The following CHRM3 variants were observed in gnomAD, a reference collection of about 807,000 sequenced individuals.
CHRM3 encodes muscarinic acetylcholine receptor M3.
Under a neutral mutation model 41.8 loss-of-function variants are expected in CHRM3, and 11 were observed. The observed-to-expected ratio is 0.26, with a 90% CI of 0.17 to 0.44. The LOEUF (loss-of-function observed/expected upper bound fraction) is 0.44, where lower values mean the gene tolerates loss of function less well. Ranked by LOEUF, CHRM3 falls within the 20% of genes least tolerant of loss-of-function variation. The pLI is 1.00. For synonymous variants in CHRM3, 297 were observed against 301.4 expected (o/e 0.99, Z 0.15); for missense variants, 571 against 745.4 (o/e 0.77, Z 2.72).
chr1:239,697,268 T>C (rs961065), intron 5 of CHRM3, among the ~76,000 whole-genome samples: 92,425 of 151,812 alleles, frequency 0.61, 28,487 homozygotes, highest in South Asian at 0.68. Flanking sequence ...ATGAGTCTCG[T>C]GAGATCTGAT....
At chr1:239,704,714 A>G (rs1660985001) in intron 5 of CHRM3, 1 of 152,246 alleles carries the variant, frequency 6.6e-6, no homozygotes, top group South Asian at 2.1e-4. Flanking sequence ...ATGTGCATAC[A>G]TGTAACAGCA....
intron 5 of CHRM3, among the ~76,000 whole-genome samples, chr1:239,690,018 C>CAG (rs1385161267): frequency 1.7e-3 from 251 of 150,898 alleles, no homozygotes; most frequent in African/African-American, 4.8e-3. Flanking sequence ...GACACTAAAA[C>CAG]AGAGAGAGAG....
At chr1:239,722,782 A>G (rs1341538553) in intron 5 of CHRM3, among the ~76,000 whole-genome samples, 1 of 151,966 alleles carries the variant, frequency 6.6e-6, no homozygotes, top group East Asian at 1.9e-4. Flanking sequence ...ATTTATGGTT[A>G]AGAACATTCA....
At chr1:239,493,058 A>G (rs1572488915) in intron 2 of CHRM3, among the ~76,000 whole-genome samples, 1 of 152,238 alleles carries the variant, frequency 6.6e-6, no homozygotes, top group African/African-American at 2.4e-5. Flanking sequence ...TGCACAGCTT[A>G]AGACTGTAGC....
At chr1:239,530,671 G>C (rs1218042649) in intron 2 of CHRM3, among the ~76,000 whole-genome samples, 1 of 152,154 alleles carries the variant, frequency 6.6e-6, no homozygotes, top group Non-Finnish European at 1.5e-5. Flanking sequence ...TATCCGTAAA[G>C]AGGCAGAAAT....
chr1:239,809,305 C>G (rs1235225554), intron 5 of CHRM3, among the ~76,000 whole-genome samples: 1 of 152,036 alleles, frequency 6.6e-6, no homozygotes, highest in Non-Finnish European at 1.5e-5. Context: ...CAGGCGTGAG[C>G]CACCGCACCC....
intron 3 of CHRM3, among the ~76,000 whole-genome samples, chr1:239,594,014 A>G (rs758782307): frequency 9.2e-5 from 14 of 152,342 alleles, no homozygotes; most frequent in Non-Finnish European, 1.6e-4. Context: ...CATGTAATAC[A>G]TCAGAAAGTC....
intron 1 of CHRM3, among the ~76,000 whole-genome samples, chr1:239,400,565 T>C (rs959269958): frequency 4.6e-5 from 7 of 152,218 alleles, no homozygotes; most frequent in African/African-American, 1.2e-4. Context: ...TGTGTTCTTA[T>C]GGTGGTTTCA....
At chr1:239,905,666 C>G (rs924347261) in intron 6 of CHRM3, among the ~76,000 whole-genome samples, 3 of 151,994 alleles carry the variant, frequency 2.0e-5, no homozygotes, top group African/African-American at 7.3e-5. Flanking sequence ...AGATCACACC[C>G]CTGCACTCCA....
At chr1:239,659,573 T>C (rs1351091547) in intron 4 of CHRM3, among the ~76,000 whole-genome samples, 1 of 152,228 alleles carries the variant, frequency 6.6e-6, no homozygotes, top group Non-Finnish European at 1.5e-5. Context: ...GCACTTGAAA[T>C]GCGACTAGTG....
At chr1:239,836,358 G>A (rs1673313702) in intron 6 of CHRM3, among the ~76,000 whole-genome samples, 1 of 152,134 alleles carries the variant, frequency 6.6e-6, no homozygotes, top group South Asian at 2.1e-4. Flanking sequence ...TTGCTGAATG[G>A]AGCCATATCA....
intron 1 of CHRM3, among the ~76,000 whole-genome samples, chr1:239,408,947 A>G (rs1476333531): frequency 6.6e-6 from 1 of 152,100 alleles, no homozygotes; most frequent in African/African-American, 2.4e-5. Flanking sequence ...ATGTGCCACA[A>G]GACACTTCAC....
At chr1:239,598,899 C>G (rs1204133065) in intron 3 of CHRM3, among the ~76,000 whole-genome samples, 2 of 151,680 alleles carry the variant, frequency 1.3e-5, no homozygotes, top group Middle Eastern at 3.4e-3. Flanking sequence ...CAGAGGCCAC[C>G]ACGCATGGAC....
chr1:239,857,259 T>C (rs1167765425), intron 6 of CHRM3, among the ~76,000 whole-genome samples: 2 of 152,134 alleles, frequency 1.3e-5, no homozygotes, highest in Non-Finnish European at 2.9e-5. Context: ...ATAAGGGAAA[T>C]GATAATGTCT....
chr1:239,776,377 A>G (rs149921277), intron 5 of CHRM3, among the ~76,000 whole-genome samples: 2 of 152,352 alleles, frequency 1.3e-5, no homozygotes, highest in Middle Eastern at 3.4e-3. Flanking sequence ...AGCATTAATT[A>G]TGTAAGTGTA....
At chr1:239,873,746 T>G (rs1237196246) in intron 6 of CHRM3, among the ~76,000 whole-genome samples, 1 of 152,174 alleles carries the variant, frequency 6.6e-6, no homozygotes, top group Non-Finnish European at 1.5e-5. Context: ...CTTCTCATGG[T>G]TCCCCCTGCA....
chr1:239,446,341 G>A (rs1316625480), intron 1 of CHRM3, among the ~76,000 whole-genome samples: 1 of 152,176 alleles, frequency 6.6e-6, no homozygotes, highest in Non-Finnish European at 1.5e-5. Flanking sequence ...CAAATTAGGA[G>A]CCAAATAAGC....
chr1:239,904,843 T>A (rs975503151), intron 6 of CHRM3, among the ~76,000 whole-genome samples: 40 of 152,226 alleles, frequency 2.6e-4, no homozygotes, highest in Non-Finnish European at 5.6e-4. Flanking sequence ...ATTTAGACTA[T>A]TTCAAATTTT....
intron 3 of CHRM3, among the ~76,000 whole-genome samples, chr1:239,591,228 C>G (rs541407729): frequency 6.6e-6 from 1 of 152,110 alleles, no homozygotes; most frequent in African/African-American, 2.4e-5. Context: ...TATAAAATTG[C>G]GCTGGTCTCC....
Sources: gnomAD v4.1 joint callset for allele counts (sites outside exome capture counted in the v4.1 genomes callset) on GRCh38, gnomAD v4.1.1 for gene constraint, MANE v1.5 for transcripts, NCBI Gene and HGNC (gene_info 2026-07-23, HGNC 2026-07-21) for gene names.